Variants in GLT1D1 observed in about 807,000 individuals in gnomAD.
The protein encoded by GLT1D1 is glycosyltransferase 1 domain-containing protein 1.
Under a neutral mutation model 28.7 loss-of-function variants are expected in GLT1D1, and 21 were observed. That is an observed-to-expected ratio of 0.73 (90% CI 0.52 to 1.05). The LOEUF is 1.05. Ranked by LOEUF, GLT1D1 falls within the 50% of genes least tolerant of loss-of-function variation. The pLI is 0.00. For synonymous variants in GLT1D1, 147 were observed against 124.8 expected (o/e 1.18, Z -1.19); for missense variants, 343 against 330.6 (o/e 1.04, Z -0.29).
Position 128,860,198 on chromosome 12 carries a change from C to T in GLT1D1, c.68+6549C>T, listed in dbSNP as rs749296219. Among the ~76,000 whole-genome samples, 64 of 152,228 alleles carry T rather than the reference C, an allele frequency of 4.2e-4. 1 individual carries two copies. The highest frequency in any genetic ancestry group is 1.6e-4 in the Non-Finnish European group (11 of 68,032). On this transcript the variant is annotated intron_variant, in intron 1 of 7. Coordinates refer to ENST00000281703, the MANE Select transcript of GLT1D1 (RefSeq NM_144669.3). ...GAAATTAGGCTGGCGCGGTGGCTCA[C>T]GCCTGTAATCCCAACACTTTGGGAG...
At chr12:128,979,377 C>G (rs1880101508) in intron 7 of GLT1D1, among the ~76,000 whole-genome samples, 1 of 152,028 alleles carries the variant, frequency 6.6e-6, no homozygotes, top group African/African-American at 2.4e-5. Flanking sequence ...ACATTCTCCT[C>G]TAGGGCACGG....
At chr12:128,939,842 C>G (rs1185589256) in intron 4 of GLT1D1, among the ~76,000 whole-genome samples, 2 of 144,722 alleles carry the variant, frequency 1.4e-5, no homozygotes, top group Non-Finnish European at 1.5e-5. Context: ...TAGAAACCCC[C>G]CCCCACCGCC....
intron 5 of GLT1D1, 132 bp from the exon 10 acceptor site, chr12:128,947,206 G>T: frequency 1.0e-6 from 1 of 988,124 alleles, no homozygotes; most frequent in Non-Finnish European, 1.5e-6. Context: ...AGTTCTCCTG[G>T]CTGAACGCTT....
intron 4 of GLT1D1, among the ~76,000 whole-genome samples, chr12:128,910,264 CTT>C (rs11361008): frequency 2.7e-3 from 306 of 114,250 alleles, no homozygotes; most frequent in Middle Eastern, 9.0e-3. Flanking sequence ...AAGTTTAACT[CTT>C]TTTTTTTTTT....
At chr12:128,944,962 A>G in intron 4 of GLT1D1, 1 of 549,314 alleles carries the variant, frequency 1.8e-6, no homozygotes, top group Non-Finnish European at 3.2e-6. Flanking sequence ...CCGACCCCCA[A>G]CAGGCCCCGG....
At chr12:128,972,021 C>T (rs1201342947) in intron 7 of GLT1D1, among the ~76,000 whole-genome samples, 1 of 151,646 alleles carries the variant, frequency 6.6e-6, no homozygotes, top group East Asian at 2.0e-4. Context: ...CTCTGTCGCA[C>T]ACGTCAAGGC....
chr12:128,874,092 CTTTCTT>C (rs1470386666), intron 1 of GLT1D1, among the ~76,000 whole-genome samples: 3,458 of 21,088 alleles, frequency 0.16, 291 homozygotes, highest in East Asian at 0.24. Context: ...TTCTTTCTTT[CTTTCTT>C]TCTCTCTCTC....
rs773016021 is a variant in GLT1D1, at chr12:128,983,111, C to A, written c.*21C>A. The A allele has an allele frequency of 1.2e-6, 2 of 1,609,350 alleles. No homozygotes were observed. ...ATTGAGGGCCCCGCCTCATCAGACA[C>A]CTGCTCTCTGACACACAGCTCTGGG... On this transcript the variant is annotated 3_prime_UTR_variant, in exon 8 of 8. Transcript: ENST00000281703. The surrounding 1 kb of genome is among the most constrained non-coding windows in gnomAD (Gnocchi z 4.7).
intron 6 of GLT1D1, among the ~76,000 whole-genome samples, chr12:128,955,791 T>C (rs1023896492): frequency 6.6e-6 from 1 of 152,016 alleles, no homozygotes; most frequent in African/African-American, 2.4e-5. Flanking sequence ...TCAGCTCTTC[T>C]GACTGTTGGT....
intron 1 of GLT1D1, among the ~76,000 whole-genome samples, chr12:128,874,126 C>G (rs1956808280): frequency 2.6e-5 from 1 of 38,112 alleles, no homozygotes; most frequent in African/African-American, 9.6e-5. Context: ...CTCTCTCTCT[C>G]TTTCTTTCTT....
At chr12:128,911,804 A>G (rs1178709271) in intron 4 of GLT1D1, among the ~76,000 whole-genome samples, 15 of 152,104 alleles carry the variant, frequency 9.9e-5, no homozygotes, top group Admixed American at 9.8e-4. Context: ...TCTTGGTACA[A>G]ATATCCATAT....
intron 4 of GLT1D1, among the ~76,000 whole-genome samples, chr12:128,929,126 G>A (rs1037293649): frequency 6.6e-6 from 1 of 152,188 alleles, no homozygotes; most frequent in African/African-American, 2.4e-5. Flanking sequence ...AGGACCTGGC[G>A]AGCATCTGGA....
At chr12:128,876,184 C>A in intron 2 of GLT1D1, 122 bp downstream of exon 2, 2 of 836,240 alleles carry the variant, frequency 2.4e-6, no homozygotes, top group Non-Finnish European at 3.6e-6. Flanking sequence ...GGGAGACATG[C>A]AATAATCTCT....
intron 1 of GLT1D1, among the ~76,000 whole-genome samples, chr12:128,869,493 A>G (rs1956630558): frequency 6.6e-6 from 1 of 152,080 alleles, no homozygotes; most frequent in Admixed American, 6.6e-5. Flanking sequence ...AATAAATTAT[A>G]TATTTGAAAT....
intron 7 of GLT1D1, among the ~76,000 whole-genome samples, chr12:128,981,775 G>C (rs1349978740): frequency 6.6e-6 from 1 of 152,158 alleles, no homozygotes; most frequent in Non-Finnish European, 1.5e-5. Flanking sequence ...TTCTTTGTTT[G>C]CAGTAACTCA....
Position 128,902,267 on chromosome 12 carries a change from T to C in GLT1D1, c.375+2980T>C, listed in dbSNP as rs866684399. On this transcript the variant is annotated intron_variant, in intron 4 of 7. Coordinates refer to ENST00000281703, the MANE Select transcript of GLT1D1 (RefSeq NM_144669.3). The stretch of plus-strand genomic sequence containing the variant: ...GGGAGGCCGAGGTGGGCGGATCACC[T>C]GAGGTCAGGAGTTCGAGACCAGCCT... Among the ~76,000 whole-genome samples, 37 of 151,106 alleles carry C rather than the reference T, an allele frequency of 2.4e-4. 2 individuals are homozygous for C. The highest frequency in any genetic ancestry group is 8.3e-4 in the African/African-American group (34 of 40,758).
intron 4 of GLT1D1, among the ~76,000 whole-genome samples, chr12:128,935,538 C>CA (rs35895301): frequency 0.017 from 1,386 of 82,884 alleles, 8 homozygotes; most frequent in African/African-American, 0.026. Flanking sequence ...GACTCTGTCT[C>CA]AAAAAAAAAA....
chr12:128,983,221 T>TAGTC lies in GLT1D1; in HGVS notation c.*132_*135dup. ...GCCTCAGCGGAATCCTAGAAAATGT[T>TAGTC]AGTCGTGAGTCCCCAGAGCCACTGC... On this transcript the variant is annotated 3_prime_UTR_variant, in exon 8 of 8. Coordinates refer to ENST00000281703, the MANE Select transcript of GLT1D1 (RefSeq NM_144669.3). This position sits in a 1 kb window ranked among gnomAD's most constrained non-coding sequence, Gnocchi z 4.7. The TAGTC allele has an allele frequency of 1.3e-6, 1 of 765,690 alleles. No homozygotes were observed. The highest frequency in any genetic ancestry group is 2.1e-6 in the Non-Finnish European group (1 of 468,938). 47.4% of individuals were successfully genotyped at this position (765,690 alleles called of 1,614,324 possible). A position where few individuals can be genotyped will look rare whatever the true frequency, so the allele number is the denominator to read the frequency against.
At position 128,962,992 on chromosome 12, in the gene GLT1D1, G is replaced by A. The variant is rs769964830; in HGVS notation, c.639+5349G>A. ...TGGGATTACAGGCATGAGCCACCGC[G>A]CCCAGCCAAAATGATTCTTTTAAAC... On this transcript the variant is annotated intron_variant, in intron 7 of 7. Transcript: ENST00000281703. Among the ~76,000 whole-genome samples the A allele has an allele frequency of 2.7e-4, 41 of 152,210 alleles. No individual in the cohort carries two copies. In the Middle Eastern group the frequency reaches 0.01, roughly 38 times the overall value.
Sources: allele counts gnomAD v4.1 joint callset (sites outside exome capture counted in the v4.1 genomes callset), GRCh38; gene constraint gnomAD v4.1.1; non-coding constraint Gnocchi (gnomAD v3.1); transcripts MANE v1.5; gene names NCBI Gene and HGNC (gene_info 2026-07-23, HGNC 2026-07-21).